Variants in TSEN2 observed in about 807,000 individuals in gnomAD.
The protein encoded by TSEN2 is tRNA-splicing endonuclease subunit Sen2.
In TSEN2, 54 loss-of-function variants were observed where a neutral mutation model predicts 59.2. That is an observed-to-expected ratio of 0.91 (90% CI 0.73 to 1.14). TSEN2 has a LOEUF of 1.14. Ranked by LOEUF, TSEN2 falls within the 50% of genes most tolerant of loss-of-function variation. The pLI, the probability that TSEN2 is intolerant of heterozygous loss-of-function variation, is 0.00. For synonymous variants in TSEN2, 195 were observed against 198.2 expected (o/e 0.98, Z 0.14); for missense variants, 636 against 576.2 (o/e 1.10, Z -1.06).
At chr3:12,527,703 C>G (rs2057200195) in intron 8 of TSEN2, among the ~76,000 whole-genome samples, 1 of 152,124 alleles carries the variant, frequency 6.6e-6, no homozygotes, top group South Asian at 2.1e-4. Context: ...CATGTGAAAT[C>G]CAACACGGCT....
chr3:12,508,037 C>T (rs1366161654), intron 6 of TSEN2, among the ~76,000 whole-genome samples: 1 of 152,100 alleles, frequency 6.6e-6, no homozygotes, highest in African/African-American at 2.4e-5. Flanking sequence ...TGGTCCTGGG[C>T]CAGCAGGGCA....
At chr3:12,526,658 T>C (rs929095591) in intron 8 of TSEN2, among the ~76,000 whole-genome samples, 15 of 152,254 alleles carry the variant, frequency 9.9e-5, no homozygotes, top group African/African-American at 3.6e-4. Flanking sequence ...TGATGCTTAC[T>C]GTATGCCATA....
chr3:12,507,619 T>C (rs1274127564), intron 6 of TSEN2, among the ~76,000 whole-genome samples: 1 of 152,216 alleles, frequency 6.6e-6, no homozygotes, highest in Admixed American at 6.5e-5. Flanking sequence ...GTACCTACTA[T>C]GTGCCAGGCA....
In TSEN2 at chr3:12,490,543, TA is replaced by T. The variant is rs931864760; in HGVS notation, c.189+562del. ...AGTTGAATGAAGACTGGTAGTTCTT[TA>T]AAAAAAATTTTCCATAATCTGTTCA... On this transcript the variant is annotated intron_variant, in intron 2 of 11. Transcript: ENST00000284995. Among the ~76,000 whole-genome samples the T allele has an allele frequency of 6.7e-4, 102 of 152,256 alleles. No homozygotes were observed. The Middle Eastern group carries it at 0.017, about 25-fold the overall frequency.
chr3:12,490,383 G>A (rs1327154257), intron 2 of TSEN2, among the ~76,000 whole-genome samples: 2 of 152,182 alleles, frequency 1.3e-5, no homozygotes, highest in Non-Finnish European at 2.9e-5. Flanking sequence ...TAGCCACAGC[G>A]TGGCATAGTG....
In TSEN2 at chr3:12,532,965, T is replaced by G. The variant is rs549771641; in HGVS notation, c.*244T>G. On this transcript the variant is annotated 3_prime_UTR_variant, in exon 12 of 12. Coordinates refer to ENST00000284995, the MANE Select transcript of TSEN2 (RefSeq NM_025265.4). ...TCTCCAATCCAGAGCCTCCTGCCTC[T>G]GGCGTCAGTCTTTTCCCTCATCCAC... The G allele has an allele frequency of 2.8e-5, 16 of 566,588 alleles. No homozygotes were observed. In the East Asian group the frequency reaches 4.9e-4, roughly 17 times the overall value. The allele number at this position is 566,588 out of a possible 1,614,324, so 35.1% of individuals were successfully genotyped here.
intron 8 of TSEN2, among the ~76,000 whole-genome samples, chr3:12,525,004 G>A (rs1273897401): frequency 2.0e-5 from 3 of 151,898 alleles, no homozygotes; most frequent in African/African-American, 4.8e-5. Context: ...TTGACCTCCC[G>A]AAGTGCTGGG....
intron 7 of TSEN2, among the ~76,000 whole-genome samples, chr3:12,518,296 T>G (rs2056325800): frequency 6.6e-6 from 1 of 152,226 alleles, no homozygotes. Context: ...ACTATAAAAG[T>G]GTTTTTTGTT....
chr3:12,525,411 A>G (rs2056996357), intron 8 of TSEN2, among the ~76,000 whole-genome samples: 1 of 152,254 alleles, frequency 6.6e-6, no homozygotes, highest in African/African-American at 2.4e-5. Context: ...GTATAATCTA[A>G]TAATTATAAT....
Position 12,505,144 on chromosome 3 carries a change from T to G in TSEN2, c.832-10T>G. On this transcript the variant is annotated splice_polypyrimidine_tract_variant and intron_variant, in intron 5 of 11. Transcript: ENST00000284995. ...TTTGTTCTGTATATATTGTATTTCT[T>G]TCTCTTTAGTTGGTGCAAAGAAACA... 1 of 1,556,372 alleles carries G rather than the reference T, an allele frequency of 6.4e-7. No individual in the cohort carries two copies. The highest frequency in any genetic ancestry group is 8.9e-7 in the Non-Finnish European group (1 of 1,127,396).
intron 5 of TSEN2, among the ~76,000 whole-genome samples, chr3:12,504,875 C>A (rs966631702): frequency 6.6e-6 from 1 of 152,034 alleles, no homozygotes; most frequent in African/African-American, 2.4e-5. Flanking sequence ...GTGGCACACG[C>A]CTGTAGTCCC....
chr3:12,505,278 G>A (rs759293756), intron 6 of TSEN2, 47 bp downstream of exon 6: 1 of 1,150,918 alleles, frequency 8.7e-7, no homozygotes, highest in Non-Finnish European at 1.3e-6. Flanking sequence ...CTCTGGGCCT[G>A]AACTACACTA....
At chr3:12,493,944 G>T (rs1195735106) in intron 3 of TSEN2, among the ~76,000 whole-genome samples, 1 of 152,114 alleles carries the variant, frequency 6.6e-6, no homozygotes, top group Non-Finnish European at 1.5e-5. Flanking sequence ...CTTTTAAGAG[G>T]TTTATAGTTT....
intron 4 of TSEN2, among the ~76,000 whole-genome samples, chr3:12,502,904 T>TA (rs2054444982): frequency 6.6e-6 from 1 of 151,956 alleles, no homozygotes; most frequent in Non-Finnish European, 1.5e-5. Context: ...AAACCCCATC[T>TA]CTACTAAAAA....
Position 12,506,924 on chromosome 3 carries a change from G to C in TSEN2, c.909+1693G>C, listed in dbSNP as rs374848861. ...AAAGTAATTGTGGGGGCCGGGCGCC[G>C]TGGCTCACACCTGTAATCCCAGCAC... On this transcript the variant is annotated intron_variant, in intron 6 of 11. Transcript: ENST00000284995. 105 of 942,232 alleles carry C rather than the reference G, an allele frequency of 1.1e-4. No homozygotes were observed. The African/African-American group carries it at 1.6e-3, about 14-fold the overall frequency. 58.4% of individuals were successfully genotyped at this position (942,232 alleles called of 1,614,324 possible).
At position 12,519,205 on chromosome 3, in the gene TSEN2, A is replaced by G; in HGVS notation, c.1099+8A>G. On this transcript the variant is annotated splice_region_variant and intron_variant, in intron 8 of 11. Coordinates refer to ENST00000284995, the MANE Select transcript of TSEN2 (RefSeq NM_025265.4). ...AGTACGGGACAGATTTACGTAAGTA[A>G]TTCTTGGCGTGGTGTGTGTGAGAAT... The G allele has an allele frequency of 6.2e-7, 1 of 1,614,216 alleles. No homozygotes were observed. The highest frequency in any genetic ancestry group is 2.2e-5 in the East Asian group (1 of 44,886).
At chr3:12,492,066 G>C (rs1337197810) in intron 2 of TSEN2, 70 bp from the exon 3 acceptor site, 45 of 1,338,578 alleles carry the variant, frequency 3.4e-5, no homozygotes, top group Non-Finnish European at 4.4e-5. Flanking sequence ...AGGGATTACT[G>C]TATATTCTAC....
At chr3:12,523,924 G>A (rs566551972) in intron 8 of TSEN2, among the ~76,000 whole-genome samples, 30 of 152,098 alleles carry the variant, frequency 2.0e-4, no homozygotes, top group African/African-American at 4.6e-4. Context: ...TCACGTTTAC[G>A]TACATAATCC....
chr3:12,486,108 T>C (rs574937006), intron 1 of TSEN2, among the ~76,000 whole-genome samples: 3 of 152,026 alleles, frequency 2.0e-5, no homozygotes, highest in Non-Finnish European at 2.9e-5. Flanking sequence ...AGGGGGTGAG[T>C]CCTGGAACCA....
Sources: allele counts gnomAD v4.1 joint callset (sites outside exome capture counted in the v4.1 genomes callset), GRCh38; gene constraint gnomAD v4.1.1; transcripts MANE v1.5; gene names NCBI Gene and HGNC (gene_info 2026-07-23, HGNC 2026-07-21).